DCDC1: variants seen among roughly 807,000 people sequenced by gnomAD.
DCDC1 encodes the protein doublecortin domain-containing protein 1.
Under a neutral mutation model 178.3 loss-of-function variants are expected in DCDC1, and 200 were observed. The ratio of observed to expected loss-of-function variants is 1.12; its 90% CI spans 1.00 to 1.26. The LOEUF (loss-of-function observed/expected upper bound fraction) is 1.26. Ranked by LOEUF, DCDC1 falls within the 50% of genes most tolerant of loss-of-function variation. The probability of loss-of-function intolerance (pLI) is 0.00; values close to 1 mark genes in which losing one functional copy is unlikely to be tolerated. For synonymous variants in DCDC1, 690 were observed against 604.8 expected (o/e 1.14, Z -2.07); for missense variants, 1,983 against 1,749.2 (o/e 1.13, Z -2.38).
At chr11:30,878,157 C>A (rs989066908) in intron 38 of DCDC1, among the ~76,000 whole-genome samples, 6 of 151,990 alleles carry the variant, frequency 3.9e-5, no homozygotes, top group Admixed American at 2.6e-4. Flanking sequence ...AGGGTAATAA[C>A]CTTCAAAAAA....
intron 8 of DCDC1, chr11:31,263,096 TA>T: frequency 1.2e-6 from 2 of 1,611,674 alleles, no homozygotes; most frequent in Non-Finnish European, 1.7e-6. Flanking sequence ...GTAATTCTGT[TA>T]TACCATATTT....
chr11:31,305,741 T>C lies in DCDC1; in HGVS notation c.628A>G (p.Met210Val). The C allele has an allele frequency of 1.9e-6, 3 of 1,613,744 alleles. No homozygotes were observed. In the South Asian group the frequency reaches 3.3e-5, roughly 18 times the overall value. The change falls in exon 6 of 39, where the codon ATG becomes GTG. Residue 210 changes from methionine to valine, a missense_variant. By Grantham distance (21) the Met-to-Val change is conservative (BLOSUM62 1). Coordinates refer to ENST00000684477, the MANE Select transcript of DCDC1 (RefSeq NM_001387274.1). ...GCCAAGAACACTCGTCTTGCGGCCATGTTCAGATTCAGCTTTTCTGTGCAC... is the reference window on the plus strand; with the variant it reads ...GCCAAGAACACTCGTCTTGCGGCCACGTTCAGATTCAGCTTTTCTGTGCAC... ...EECTEKLNLN[M>V]AARRVFLADG... is the part of the protein sequence containing the mutation.
intron 21 of DCDC1, among the ~76,000 whole-genome samples, chr11:30,951,254 T>C (rs567036052): frequency 1.1e-4 from 16 of 152,056 alleles, no homozygotes; most frequent in Non-Finnish European, 2.4e-4. Flanking sequence ...AGAAAAAAGA[T>C]AGATACCTAC....
At chr11:31,149,475 A>C (rs939620068) in intron 9 of DCDC1, among the ~76,000 whole-genome samples, 3 of 152,128 alleles carry the variant, frequency 2.0e-5, no homozygotes, top group Admixed American at 1.3e-4. Flanking sequence ...AAATAAGAGA[A>C]TAAAAGCTGG....
intron 20 of DCDC1, among the ~76,000 whole-genome samples, chr11:31,043,284 A>G (rs985828031): frequency 1.3e-5 from 2 of 152,208 alleles, no homozygotes; most frequent in Non-Finnish European, 2.9e-5. Context: ...AGAGACCAGT[A>G]ATTCATGAGA....
intron 9 of DCDC1, among the ~76,000 whole-genome samples, chr11:31,209,118 G>A (rs954047790): frequency 2.6e-5 from 4 of 152,168 alleles, no homozygotes; most frequent in East Asian, 1.9e-4. Flanking sequence ...GATGTTTAAC[G>A]GATACTTGGA....
chr11:31,269,884 G>C (rs951785574), intron 7 of DCDC1, among the ~76,000 whole-genome samples: 4 of 152,160 alleles, frequency 2.6e-5, no homozygotes, highest in Non-Finnish European at 5.9e-5. Flanking sequence ...GCAGCTCCTG[G>C]AATGGCCAGA....
At chr11:30,916,525 G>T (rs1945847414) in intron 26 of DCDC1, among the ~76,000 whole-genome samples, 1 of 152,006 alleles carries the variant, frequency 6.6e-6, no homozygotes, top group African/African-American at 2.4e-5. Context: ...AAAAACATTA[G>T]GGCATCTTAA....
intron 16 of DCDC1, among the ~76,000 whole-genome samples, chr11:31,093,219 C>A (rs1266385208): frequency 6.6e-6 from 1 of 152,126 alleles, no homozygotes; most frequent in Non-Finnish European, 1.5e-5. Flanking sequence ...TGTCTTAGTA[C>A]CTTTGTGTCT....
chr11:31,011,216 T>C (rs897844710), intron 20 of DCDC1, among the ~76,000 whole-genome samples: 1 of 152,102 alleles, frequency 6.6e-6, no homozygotes, highest in Non-Finnish European at 1.5e-5. Context: ...AAAAGTCTAT[T>C]CCAGATTGAT....
At chr11:31,245,988 C>A (rs1165594130) in intron 8 of DCDC1, among the ~76,000 whole-genome samples, 2 of 151,804 alleles carry the variant, frequency 1.3e-5, no homozygotes, top group African/African-American at 4.8e-5. Flanking sequence ...CAAAGCTAAT[C>A]AAATTTGTCT....
At chr11:31,121,265 G>A (rs946020261) in intron 11 of DCDC1, among the ~76,000 whole-genome samples, 10 of 151,740 alleles carry the variant, frequency 6.6e-5, no homozygotes, top group African/African-American at 1.7e-4. Context: ...TGAAAATGAC[G>A]TGAAAGGTGA....
Position 31,109,949 on chromosome 11 carries a change from T to C in DCDC1, c.1587+311A>G, listed in dbSNP as rs145199075. ...CCTAGATCCAGGGCATACCCTCCAC[T>C]GAATATATCACTTTTTTTTACTGTA... is the stretch of plus-strand genomic sequence containing the variant. On this transcript the variant is annotated intron_variant, in intron 12 of 38. Transcript: ENST00000684477. Among the ~76,000 whole-genome samples the C allele has an allele frequency of 2.4e-4, 37 of 152,236 alleles. No individual in the cohort carries two copies. The East Asian group carries it at 7.2e-3, about 29-fold the overall frequency.
At chr11:31,262,998 G>A (rs780690958) in intron 8 of DCDC1, 2 of 1,590,946 alleles carry the variant, frequency 1.3e-6, no homozygotes, top group Non-Finnish European at 1.7e-6. Context: ...ACACTTCTGG[G>A]ATACGTGAAG....
At chr11:30,929,899 C>T (rs1946826777) in intron 22 of DCDC1, among the ~76,000 whole-genome samples, 1 of 151,930 alleles carries the variant, frequency 6.6e-6, no homozygotes, top group African/African-American at 2.4e-5. Context: ...AAGTAATGAA[C>T]AAATACTATT....
Position 31,178,023 on chromosome 11 carries a change from C to T in DCDC1, c.1222-40239G>A, listed in dbSNP as rs904158353. Among the ~76,000 whole-genome samples, 4 of 152,162 alleles carry T rather than the reference C, an allele frequency of 2.6e-5. No homozygotes were observed. In the East Asian group the frequency reaches 7.7e-4, roughly 29 times the overall value. On this transcript the variant is annotated intron_variant, in intron 9 of 38. Coordinates refer to ENST00000684477, the MANE Select transcript of DCDC1 (RefSeq NM_001387274.1). ...CATCAGACTTAAACTGCAACAGAGA[C>T]GAAATGGACCAAACAGATATTTACA...
intron 9 of DCDC1, among the ~76,000 whole-genome samples, chr11:31,157,215 C>G (rs1259455775): frequency 6.7e-6 from 1 of 149,276 alleles, no homozygotes; most frequent in African/African-American, 2.5e-5. Context: ...TCCCTCTCCA[C>G]AAAACATAAA....
chr11:31,213,223 A>G (rs1298708102), intron 9 of DCDC1, among the ~76,000 whole-genome samples: 1 of 143,258 alleles, frequency 7.0e-6, no homozygotes, highest in Non-Finnish European at 1.5e-5. Flanking sequence ...CTCTTCAGTC[A>G]CTTCACCCCA....
chr11:31,135,678 G>C (rs928271375), intron 10 of DCDC1, among the ~76,000 whole-genome samples: 1 of 152,064 alleles, frequency 6.6e-6, no homozygotes, highest in Admixed American at 6.6e-5. Context: ...TCCTCGCTGT[G>C]TATTTGTTTT....
Sources: gnomAD v4.1 joint callset for allele counts (sites outside exome capture counted in the v4.1 genomes callset) on GRCh38, gnomAD v4.1.1 for gene constraint, MANE v1.5 for transcripts, NCBI Gene and HGNC (gene_info 2026-07-23, HGNC 2026-07-21) for gene names.